PCDH15: variants seen among roughly 807,000 people sequenced by gnomAD.
The protein encoded by PCDH15 is protocadherin related 15.
A neutral mutation model predicts 178.5 loss-of-function variants in PCDH15; 129 were observed. The ratio of observed to expected loss-of-function variants is 0.72; its 90% CI spans 0.63 to 0.84. The LOEUF (loss-of-function observed/expected upper bound fraction) is 0.84, where lower values mean the gene tolerates loss of function less well. PCDH15 is among the 40% of genes least tolerant of loss of function. The probability of loss-of-function intolerance (pLI) is 0.00; values close to 1 mark genes in which losing one functional copy is unlikely to be tolerated. For synonymous variants in PCDH15, 800 were observed against 732.0 expected (o/e 1.09, Z -1.50); for missense variants, 2,230 against 2,099.9 (o/e 1.06, Z -1.21).
intron 1 of PCDH15, among the ~76,000 whole-genome samples, chr10:55,291,256 C>G (rs1171527206): frequency 6.6e-6 from 1 of 152,132 alleles, no homozygotes; most frequent in Admixed American, 6.6e-5. Flanking sequence ...CAACACAAGA[C>G]AACACATACT....
At chr10:55,111,840 T>A (rs1185407165) in intron 2 of PCDH15, among the ~76,000 whole-genome samples, 2 of 151,940 alleles carry the variant, frequency 1.3e-5, no homozygotes, top group African/African-American at 4.8e-5. Context: ...GCAACAAGAG[T>A]GAAACTCCAT....
chr10:55,562,018 A>G (rs1589139595), intron 2 of PCDH15, among the ~76,000 whole-genome samples: 1 of 152,056 alleles, frequency 6.6e-6, no homozygotes, highest in African/African-American at 2.4e-5. Flanking sequence ...TGTGCTTTTT[A>G]TTTAATATAA....
intron 2 of PCDH15, among the ~76,000 whole-genome samples, chr10:55,018,258 T>A (rs1255218538): frequency 6.6e-6 from 1 of 152,054 alleles, no homozygotes; most frequent in Non-Finnish European, 1.5e-5. Flanking sequence ...ACCACAGTTG[T>A]CTTTCAGTAC....
intron 2 of PCDH15, among the ~76,000 whole-genome samples, chr10:55,367,881 T>G (rs1336108089): frequency 6.6e-6 from 1 of 152,128 alleles, no homozygotes; most frequent in Non-Finnish European, 1.5e-5. Flanking sequence ...ATCTGAGCCT[T>G]TAAATTAATT....
intron 1 of PCDH15, among the ~76,000 whole-genome samples, chr10:54,795,737 T>C (rs1241273204): frequency 6.6e-6 from 1 of 151,884 alleles, no homozygotes; most frequent in Non-Finnish European, 1.5e-5. Flanking sequence ...AACTATAGCT[T>C]ATCAATATTA....
At chr10:54,062,249 A>AAAAAAAAAAAAAAAAAAAAAAAAAAAAAG (rs1565159027) in intron 18 of PCDH15, among the ~76,000 whole-genome samples, 1 of 116,372 alleles carries the variant, frequency 8.6e-6, no homozygotes, top group Non-Finnish European at 1.7e-5. Context: ...AAAAAAAAAA[A>AAAAAAAAAAAAAAAAAAAAAAAAAAAAAG]AAACAAAAAA....
chr10:53,871,991 T>A (rs565184298), intron 26 of PCDH15, among the ~76,000 whole-genome samples: 16 of 152,076 alleles, frequency 1.1e-4, no homozygotes, highest in Non-Finnish European at 1.9e-4. Context: ...ACTAAAAATA[T>A]AAAATTAGCC....
intron 1 of PCDH15, among the ~76,000 whole-genome samples, chr10:55,183,409 C>T (rs560035620): frequency 1.3e-5 from 2 of 151,888 alleles, no homozygotes; most frequent in East Asian, 1.9e-4. Flanking sequence ...AACATGTACA[C>T]AATGTGGCTT....
At chr10:54,575,676 T>A (rs2090398938) in intron 2 of PCDH15, among the ~76,000 whole-genome samples, 1 of 152,066 alleles carries the variant, frequency 6.6e-6, no homozygotes, top group Non-Finnish European at 1.5e-5. Context: ...ATTCCTAATT[T>A]TTCAATATAT....
Position 55,157,232 on chromosome 10 carries a change from A to G in PCDH15, c.-80+9344T>C, listed in dbSNP as rs548485990. On this transcript the variant is annotated intron_variant, in intron 2 of 5. Transcript: ENST00000458638. The stretch of plus-strand genomic sequence containing the variant: ...CTCATCATCACTGGCCATCAGAGAA[A>G]TGCAAATTAAAACCACAATGAGATA... Among the ~76,000 whole-genome samples, 9 of 152,218 alleles carry G rather than the reference A, an allele frequency of 5.9e-5. No homozygotes were observed. In the East Asian group the frequency reaches 1.7e-3, roughly 29 times the overall value.
At chr10:53,855,784 A>G (rs2078681099) in intron 28 of PCDH15, among the ~76,000 whole-genome samples, 2 of 151,632 alleles carry the variant, frequency 1.3e-5, no homozygotes, top group African/African-American at 4.8e-5. Flanking sequence ...CAGAGCTTAA[A>G]ACCTAGACAA....
intron 25 of PCDH15, 36 bp from the exon 26 acceptor site, chr10:53,903,406 G>A: frequency 1.2e-6 from 2 of 1,608,338 alleles, no homozygotes; most frequent in South Asian, 1.1e-5. Context: ...TTTATTGGTG[G>A]TTATTCATGG....
intron 18 of PCDH15, among the ~76,000 whole-genome samples, chr10:54,025,836 C>G (rs375502734): frequency 1.3e-5 from 2 of 151,942 alleles, no homozygotes; most frequent in Non-Finnish European, 2.9e-5. Flanking sequence ...TGGTCAAGCC[C>G]CTCACATTTT....
intron 2 of PCDH15, among the ~76,000 whole-genome samples, chr10:55,509,029 A>G (rs1840821927): frequency 6.6e-6 from 1 of 151,844 alleles, no homozygotes; most frequent in South Asian, 2.1e-4. Context: ...TACACTTAAT[A>G]TACTATTGTG....
At chr10:55,176,083 T>C (rs1389821663) in intron 1 of PCDH15, among the ~76,000 whole-genome samples, 1 of 151,990 alleles carries the variant, frequency 6.6e-6, no homozygotes. Context: ...CAGACCACCA[T>C]TACCATCCAG....
intron 2 of PCDH15, among the ~76,000 whole-genome samples, chr10:54,623,176 T>C (rs373090878): frequency 1.3e-5 from 2 of 152,066 alleles, no homozygotes; most frequent in East Asian, 3.9e-4. Context: ...CTGAAATCAC[T>C]ACTTACAGCC....
chr10:54,707,511 A>G (rs2095377431), intron 1 of PCDH15, among the ~76,000 whole-genome samples: 1 of 152,218 alleles, frequency 6.6e-6, no homozygotes, highest in Non-Finnish European at 1.5e-5. Context: ...CAAAAATAAC[A>G]AATGGAGACT....
At chr10:54,578,599 G>T (rs1048154740) in intron 2 of PCDH15, among the ~76,000 whole-genome samples, 4 of 152,016 alleles carry the variant, frequency 2.6e-5, no homozygotes, top group African/African-American at 7.2e-5. Flanking sequence ...TCAGTTTTAT[G>T]GTCAGAATGA....
chr10:55,543,379 GTA>G (rs5785142), intron 2 of PCDH15, among the ~76,000 whole-genome samples: 10 of 146,952 alleles, frequency 6.8e-5, no homozygotes, highest in Admixed American at 1.4e-4. Flanking sequence ...TATAATGCCT[GTA>G]TATATATATA....
Sources: allele counts gnomAD v4.1 joint callset (sites outside exome capture counted in the v4.1 genomes callset), GRCh38; gene constraint gnomAD v4.1.1; transcripts MANE v1.5; gene names NCBI Gene and HGNC (gene_info 2026-07-23, HGNC 2026-07-21).